The following SLC30A8 variants were observed in gnomAD, a reference collection of about 807,000 sequenced individuals.
SLC30A8 encodes the protein solute carrier family 30 member 8, also known as proton-coupled zinc antiporter SLC30A8.
In SLC30A8, 27 loss-of-function variants were observed where a neutral mutation model predicts 36.9. That is an observed-to-expected ratio of 0.73 (90% confidence interval 0.54 to 1.01). SLC30A8 has a LOEUF of 1.01. Among genes scored for constraint, SLC30A8 ranks in the 50% least tolerant of loss-of-function variants. The pLI is 0.00. For synonymous variants in SLC30A8, 164 were observed against 172.4 expected, an observed-to-expected ratio of 0.95 and a Z score of 0.38; for missense variants, 439 against 452.0, an observed-to-expected ratio of 0.97 and a Z score of 0.26.
intron 2 of SLC30A8, among the ~76,000 whole-genome samples, chr8:117,092,916 G>A (rs1052468796): frequency 2.0e-5 from 3 of 152,060 alleles, no homozygotes; most frequent in East Asian, 1.9e-4. Flanking sequence ...CTTATTCTGG[G>A]GTCTTCTCTG....
At chr8:116,990,569 TAAGGA>T (rs1385722835) in intron 1 of SLC30A8, among the ~76,000 whole-genome samples, 16 of 151,944 alleles carry the variant, frequency 1.1e-4, no homozygotes, top group Non-Finnish European at 2.2e-4. Context: ...TTATGCAAAA[TAAGGA>T]AAGAGTGAGA....
upstream of SLC30A8, among the ~76,000 whole-genome samples, chr8:117,132,112 A>G (rs1235271441): frequency 6.6e-6 from 1 of 152,050 alleles, no homozygotes; most frequent in Admixed American, 6.6e-5. Context: ...GGTTGCATGC[A>G]CACATTGGCA....
At chr8:117,041,916 C>T (rs552219534) in intron 2 of SLC30A8, among the ~76,000 whole-genome samples, 14 of 152,188 alleles carry the variant, frequency 9.2e-5, no homozygotes, top group African/African-American at 3.4e-4. Context: ...AAAATATTGG[C>T]CAATGAAGGA....
At chr8:117,010,857 A>G (rs977847881) in intron 1 of SLC30A8, among the ~76,000 whole-genome samples, 1 of 152,178 alleles carries the variant, frequency 6.6e-6, no homozygotes, top group African/African-American at 2.4e-5. Context: ...CTTTTAAACA[A>G]CCAGCTCTTG....
intron 1 of SLC30A8, among the ~76,000 whole-genome samples, chr8:116,988,639 G>T (rs947687812): frequency 6.6e-6 from 1 of 151,990 alleles, no homozygotes; most frequent in Non-Finnish European, 1.5e-5. Context: ...TATCTTATGC[G>T]TGTTTCTCTT....
Position 117,174,347 on chromosome 8 carries a change from G to C in SLC30A8, c.*1666G>C, listed in dbSNP as rs537928810. 20 of 152,514 alleles carry C rather than the reference G, an allele frequency of 1.3e-4. 1 individual carries two copies. In the South Asian group the frequency reaches 3.3e-3, roughly 25 times the overall value. The allele number at this position is 152,514 out of a possible 1,614,324, so 9.4% of individuals were successfully genotyped here. The stretch of plus-strand genomic sequence containing the variant: ...GGCCAAGAAAACATTGACTTTGACT[G>C]AGGAGGTCACATCTGTGCCATCTCT... On this transcript the variant is annotated 3_prime_UTR_variant, in exon 8 of 8. Coordinates refer to ENST00000456015, the MANE Select transcript of SLC30A8 (RefSeq NM_173851.3).
chr8:117,103,186 T>C (rs1233212337), intron 2 of SLC30A8, among the ~76,000 whole-genome samples: 1 of 152,106 alleles, frequency 6.6e-6, no homozygotes, highest in Non-Finnish European at 1.5e-5. Context: ...GAACACATTA[T>C]CTATGTCTAG....
chr8:116,997,085 A>G (rs542264664), intron 1 of SLC30A8, among the ~76,000 whole-genome samples: 96 of 152,130 alleles, frequency 6.3e-4, no homozygotes, highest in Admixed American at 1.7e-3. Context: ...TAAGGAGCAG[A>G]ATGATAGTTG....
At position 117,171,056 on chromosome 8, in the gene SLC30A8, C is replaced by G; in HGVS notation, c.852C>G (p.Tyr284Ter). ...CAGGTGTGCCAAAGAGCCTGAATTA[C>G]AGTGGTGTGAAAGAGCTTATTTTAG... ...LMEGVPKSLN[Y>*]SGVKELILAV... The change falls in exon 7 of 8, where the codon TAC becomes TAG. Residue 284 changes from tyrosine (Y) to a stop codon, truncating the protein, a stop_gained. Transcript: ENST00000456015. LOFTEE classifies it high-confidence loss of function. 2 of 1,606,852 alleles carry G rather than the reference C, an allele frequency of 1.2e-6. No homozygotes were observed. Among genetic ancestry groups the G allele is most frequent in the Non-Finnish European group, 1.7e-6 (2 of 1,176,724 alleles).
intron 4 of SLC30A8, among the ~76,000 whole-genome samples, chr8:117,161,514 A>G (rs1822789299): frequency 6.6e-6 from 1 of 152,242 alleles, no homozygotes; most frequent in African/African-American, 2.4e-5. Context: ...AGGTGGATGA[A>G]TGAGTAAACT....
chr8:117,091,249 T>C (rs575185050), intron 2 of SLC30A8, among the ~76,000 whole-genome samples: 1 of 152,246 alleles, frequency 6.6e-6, no homozygotes, highest in South Asian at 2.1e-4. Flanking sequence ...AGTTTCCCTT[T>C]CTTGCTGTAA....
intron 1 of SLC30A8, among the ~76,000 whole-genome samples, chr8:117,014,962 C>T (rs920423541): frequency 3.3e-5 from 5 of 151,728 alleles, no homozygotes; most frequent in African/African-American, 1.2e-4. Flanking sequence ...GGGACCTAGA[C>T]CGAACCCCTG....
chr8:116,953,465 A>G (rs1814072131), intron 1 of SLC30A8, among the ~76,000 whole-genome samples: 1 of 151,954 alleles, frequency 6.6e-6, no homozygotes, highest in Admixed American at 6.6e-5. Flanking sequence ...TCTTGTATAA[A>G]TTTTCATTTC....
At chr8:116,975,058 T>A (rs1814939309) in intron 1 of SLC30A8, among the ~76,000 whole-genome samples, 1 of 137,170 alleles carries the variant, frequency 7.3e-6, no homozygotes, top group African/African-American at 2.6e-5. Context: ...GGGGGAGGGA[T>A]AGCATTAGGA....
intron 1 of SLC30A8, among the ~76,000 whole-genome samples, chr8:117,143,486 T>C (rs1821753819): frequency 2.0e-5 from 3 of 152,180 alleles, no homozygotes; most frequent in African/African-American, 7.2e-5. Context: ...CTTAAAATAA[T>C]ACTTAAAATT....
At chr8:117,087,962 A>G (rs1236158163) in intron 2 of SLC30A8, among the ~76,000 whole-genome samples, 1 of 152,036 alleles carries the variant, frequency 6.6e-6, no homozygotes, top group African/African-American at 2.4e-5. Flanking sequence ...GGTGGGGGAG[A>G]GAGAGATGAA....
At chr8:117,097,453 T>A in intron 2 of SLC30A8, among the ~76,000 whole-genome samples, 2 of 115,154 alleles carry the variant, frequency 1.7e-5, no homozygotes, top group East Asian at 2.2e-4. Flanking sequence ...ATATTATATA[T>A]AATATGTATT....
chr8:116,995,969 A>G (rs1028135123), intron 1 of SLC30A8, among the ~76,000 whole-genome samples: 1 of 152,182 alleles, frequency 6.6e-6, no homozygotes, highest in South Asian at 2.1e-4. Flanking sequence ...CACAAGCACC[A>G]TCCTGTAAAA....
intron 2 of SLC30A8, among the ~76,000 whole-genome samples, chr8:117,041,829 C>T (rs138134676): frequency 1.4e-3 from 207 of 152,300 alleles, no homozygotes; most frequent in Middle Eastern, 3.4e-3. Flanking sequence ...TTGCTTCTGC[C>T]GTCTTCAATA....
Sources: gnomAD v4.1 joint callset for allele counts (sites outside exome capture counted in the v4.1 genomes callset) on GRCh38, gnomAD v4.1.1 for gene constraint, MANE v1.5 for transcripts, NCBI Gene and HGNC (gene_info 2026-07-23, HGNC 2026-07-21) for gene names.